The following MRPS5 variants were observed in gnomAD, a reference collection of about 807,000 sequenced individuals.
The protein encoded by MRPS5 is small ribosomal subunit protein uS5m.
MRPS5 carries 27 observed loss-of-function variants against 51.9 expected under a neutral mutation model. The observed-to-expected ratio is 0.52, with a 90% CI of 0.38 to 0.72. MRPS5 has a LOEUF of 0.72. MRPS5 is among the 30% of genes least tolerant of loss of function. The pLI, the probability that MRPS5 is intolerant of heterozygous loss-of-function variation, is 0.00. For missense variants in MRPS5, 570 were observed against 545.7 expected (o/e 1.04, Z -0.44); for synonymous variants, 196 against 193.2 (o/e 1.01, Z -0.12).
chr2:95,118,890 A>C (rs910779674), intron 1 of MRPS5, among the ~76,000 whole-genome samples: 6 of 152,232 alleles, frequency 3.9e-5, no homozygotes, highest in South Asian at 2.1e-4. Flanking sequence ...TAAAACGATG[A>C]AACTTAGAAG....
In MRPS5 at chr2:95,110,010, T is replaced by G; in HGVS notation, c.309A>C (p.Leu103Phe). 6.2e-7 allele frequency: 1 copy of G among 1,614,056 alleles called. No individual in the cohort carries two copies. Among genetic ancestry groups the G allele is most frequent in the Non-Finnish European group, 8.5e-7 (1 of 1,179,990 alleles). Residue 103 changes from leucine (L) to phenylalanine (F), a missense_variant, in exon 4 of 12, where the codon TTA becomes TTC. By Grantham distance (22) the Leu-to-Phe change is conservative. Coordinates refer to ENST00000272418, the MANE Select transcript of MRPS5 (RefSeq NM_031902.5). The stretch of plus-strand genomic sequence containing the variant: ...TTTTTGCTCCAGCACCAGTCTCTGC[T>G]AAAGCGCCTTTCCACAGCTCATCTG... ...LTADELWKGA[L>F]AETGAGAKKG... is the part of the protein sequence containing the mutation.
chr2:95,089,679 G>A (rs557562430), intron 11 of MRPS5, among the ~76,000 whole-genome samples: 1 of 152,282 alleles, frequency 6.6e-6, no homozygotes, highest in Admixed American at 6.5e-5. Flanking sequence ...GACTGTGCCT[G>A]CCCTGTGTGC....
intron 10 of MRPS5, among the ~76,000 whole-genome samples, chr2:95,099,640 C>T (rs530335478): frequency 1.3e-5 from 2 of 152,296 alleles, no homozygotes; most frequent in East Asian, 1.9e-4. Flanking sequence ...TTGAAGTCCA[C>T]TCAACACCTT....
chr2:95,109,933 C>A lies in MRPS5; in HGVS notation c.386G>T (p.Gly129Val). The change falls in exon 4 of 12, where the codon GGT becomes GTT. Residue 129 changes from glycine to valine, a missense_variant. Physicochemically the swap from Gly to Val is moderately radical, Grantham distance 109. Coordinates refer to ENST00000272418, the MANE Select transcript of MRPS5 (RefSeq NM_031902.5). ...AAGTTTACCTTCACCAATGATCTGA[C>A]CCCTGTTCAGATCCTTTCTTTTCTT... ...KKKKRKDLNR[G>V]QIIGEGRYGF... The A allele has an allele frequency of 1.2e-6, 2 of 1,613,176 alleles. No individual in the cohort carries two copies. The highest frequency in any genetic ancestry group is 1.1e-5 in the South Asian group (1 of 91,020).
At chr2:95,101,795 T>C in intron 7 of MRPS5, 72 bp from the exon 8 acceptor site, 1 of 985,234 alleles carries the variant, frequency 1.0e-6, no homozygotes, top group East Asian at 2.6e-5. Flanking sequence ...ACATTTCAAG[T>C]TTCTGCTCCT....
Position 95,094,774 on chromosome 2 carries a change from A to G in MRPS5, c.932-4252T>C, listed in dbSNP as rs894756009. ...ACAACCGGTACCAGCCACTGCAAAA[A>G]CATGCCAAATTGTAAAGACCATCGA... On this transcript the variant is annotated intron_variant, in intron 10 of 11. Coordinates refer to ENST00000272418, the MANE Select transcript of MRPS5 (RefSeq NM_031902.5). Among the ~76,000 whole-genome samples the G allele has an allele frequency of 9.9e-4, 151 of 152,256 alleles. 1 individual carries two copies. The highest frequency in any genetic ancestry group is 3.5e-3 in the African/African-American group (147 of 41,468).
chr2:95,105,117 A>G (rs1305297790), intron 6 of MRPS5, among the ~76,000 whole-genome samples: 1 of 152,242 alleles, frequency 6.6e-6, no homozygotes, highest in Non-Finnish European at 1.5e-5. Flanking sequence ...AGAGATGTTA[A>G]AATGTGAGGA....
chr2:95,114,802 G>C (rs567983315), intron 3 of MRPS5, among the ~76,000 whole-genome samples: 30 of 152,212 alleles, frequency 2.0e-4, no homozygotes, highest in Admixed American at 7.9e-4. Context: ...ATCTAAGTCA[G>C]CAAGAGATAT....
At chr2:95,091,729 T>C (rs1675472931) in intron 10 of MRPS5, 2 of 152,156 alleles carry the variant, frequency 1.3e-5, no homozygotes, top group Non-Finnish European at 2.9e-5. Flanking sequence ...TCCTTCTACT[T>C]GAAAGGGCCA....
chr2:95,106,658 G>C (rs1675959405), intron 5 of MRPS5: 1 of 600,238 alleles, frequency 1.7e-6, no homozygotes. Context: ...CTCAGTCACT[G>C]ATCTCCCCAC....
At chr2:95,101,532 T>C in intron 8 of MRPS5, 145 bp downstream of exon 8, 1 of 586,742 alleles carries the variant, frequency 1.7e-6, no homozygotes, top group Non-Finnish European at 2.9e-6. Context: ...CTGAAACTGA[T>C]TTTTATGAGC....
intron 10 of MRPS5, among the ~76,000 whole-genome samples, chr2:95,099,630 T>C (rs755233919): frequency 1.5e-4 from 23 of 152,224 alleles, no homozygotes; most frequent in Non-Finnish European, 3.1e-4. Context: ...GATCTAAACC[T>C]TGAAGTCCAC....
rs191330784 is a variant in MRPS5 at position 95,118,619 on chromosome 2, G to C, written c.59-674C>G. 4.8e-3 allele frequency among the ~76,000 whole-genome samples: 730 copies of C among 152,282 alleles called. 5 individuals carry two copies. The highest frequency in any genetic ancestry group is 7.6e-3 in the Non-Finnish European group (520 of 68,032). ...CCTACAATGTTCCCCCTTCCCTCTG[G>C]AATCCCTGCAGCACCACGCTGACTG... is the stretch of plus-strand genomic sequence containing the variant. On this transcript the variant is annotated intron_variant, in intron 1 of 11. Transcript: ENST00000272418.
intron 6 of MRPS5, among the ~76,000 whole-genome samples, chr2:95,105,298 C>T (rs1419685213): frequency 2.0e-5 from 3 of 152,114 alleles, no homozygotes; most frequent in Non-Finnish European, 4.4e-5. Context: ...GCCTGTAATC[C>T]CAGCACTTCG....
chr2:95,106,359 T>TGCCAGCCCCCCCCCCC, intron 6 of MRPS5, 64 bp downstream of exon 6: 1 of 835,276 alleles, frequency 1.2e-6, no homozygotes, highest in East Asian at 2.5e-5. Flanking sequence ...TCTTGCCCTG[T>TGCCAGCCCCCCCCCCC]CCCTGCCCCA....
Position 95,108,364 on chromosome 2 carries a change from T to C in MRPS5, c.448A>G (p.Lys150Glu). 1.2e-6 allele frequency: 2 copies of C among 1,614,192 alleles called. No individual in the cohort carries two copies. Among genetic ancestry groups the C allele is most frequent in the South Asian group, 1.1e-5 (1 of 91,078 alleles). The change falls in exon 5 of 12, where the codon AAA becomes GAA. Residue 150 changes from lysine to glutamate, a missense_variant. Transcript: ENST00000272418. ...GCAATGGTCTGCACTGCTCCATTTT[T>C]CATAAGAGGGACATTCAGTCCGGGC... ...LWPGLNVPLM[K>E]NGAVQTIAQR...
chr2:95,097,745 C>T (rs529197475), intron 10 of MRPS5, among the ~76,000 whole-genome samples: 60 of 152,228 alleles, frequency 3.9e-4, no homozygotes, highest in African/African-American at 1.4e-3. Flanking sequence ...CATAAAAACC[C>T]TAGAAGAAAA....
At chr2:95,095,484 A>G (rs934800242) in intron 10 of MRPS5, among the ~76,000 whole-genome samples, 1 of 152,246 alleles carries the variant, frequency 6.6e-6, no homozygotes, top group Non-Finnish European at 1.5e-5. Flanking sequence ...ATGTAAGAGA[A>G]CAGAAATCAC....
At chr2:95,113,955 A>C (rs891094363) in intron 3 of MRPS5, among the ~76,000 whole-genome samples, 2 of 151,634 alleles carry the variant, frequency 1.3e-5, no homozygotes, top group African/African-American at 4.8e-5. Context: ...CCCCATCTCT[A>C]CTAAAAATAC....
Sources: allele counts gnomAD v4.1 joint callset (sites outside exome capture counted in the v4.1 genomes callset), GRCh38; gene constraint gnomAD v4.1.1; transcripts MANE v1.5; gene names NCBI Gene and HGNC (gene_info 2026-07-23, HGNC 2026-07-21).